Variants in TEX2 observed in about 807,000 individuals in gnomAD.
The protein encoded by TEX2 is testis expressed 2.
TEX2 carries 53 observed loss-of-function variants against 106.9 expected under a neutral mutation model. That is an observed-to-expected ratio of 0.50 (90% CI 0.40 to 0.62). The LOEUF (loss-of-function observed/expected upper bound fraction) is 0.62. TEX2 is among the 20% of genes least tolerant of loss of function. The probability of loss-of-function intolerance (pLI) is 0.00; values close to 1 mark genes in which losing one functional copy is unlikely to be tolerated. For missense variants in TEX2, 1,207 were observed against 1,379.0 expected, an observed-to-expected ratio of 0.88 and a Z score of 1.98; for synonymous variants, 523 against 534.8, an observed-to-expected ratio of 0.98 and a Z score of 0.30.
chr17:64,245,772 C>T (rs1305624070), intron 1 of TEX2, among the ~76,000 whole-genome samples: 1 of 121,694 alleles, frequency 8.2e-6, no homozygotes, highest in East Asian at 2.5e-4. Context: ...TACGAACCAA[C>T]TGGACAAGAC....
chr17:64,191,150 A>G (rs1005390545), intron 4 of TEX2, among the ~76,000 whole-genome samples: 3 of 152,248 alleles, frequency 2.0e-5, no homozygotes, highest in South Asian at 2.1e-4. Context: ...AGACTTACAG[A>G]TGTACGAAGA....
chr17:64,237,966 G>A (rs564320028), intron 1 of TEX2, among the ~76,000 whole-genome samples: 1 of 152,258 alleles, frequency 6.6e-6, no homozygotes, highest in Admixed American at 6.5e-5. Flanking sequence ...ACTGTTAAAA[G>A]TCACGAACTT....
chr17:64,213,977 CTTGGGG>C lies in TEX2; in HGVS notation c.235_240del (p.Pro79_Gln80del), dbSNP rs782170781. 1.9e-6 allele frequency: 3 copies of C among 1,614,216 alleles called. No individual in the cohort carries two copies. The highest frequency in any genetic ancestry group is 2.5e-6 in the Non-Finnish European group (3 of 1,180,046). On this transcript the variant is annotated inframe_deletion, in exon 2 of 12. Coordinates refer to ENST00000584379, the MANE Select transcript of TEX2 (RefSeq NM_001288732.2). The surrounding 1 kb of genome is among the most constrained non-coding windows in gnomAD (Gnocchi z 4.4). ...GCAGGGCCGGCGGGGTCATGGCCAA[CTTGGGG>C]TTCAAGATAGAGGTCTTCCTTGGCT... is the stretch of plus-strand genomic sequence containing the variant.
chr17:64,259,335 C>A (rs906428411), intron 1 of TEX2, among the ~76,000 whole-genome samples: 2 of 152,158 alleles, frequency 1.3e-5, no homozygotes, highest in African/African-American at 2.4e-5. Context: ...TGTAATTACG[C>A]ATTATAAAGA....
At chr17:64,245,643 C>T (rs1019647906) in intron 1 of TEX2, among the ~76,000 whole-genome samples, 6 of 152,130 alleles carry the variant, frequency 3.9e-5, no homozygotes, top group Admixed American at 6.5e-5. Flanking sequence ...TTATTCTCCA[C>T]GTTTGTTTTC....
At chr17:64,210,978 T>C (rs1375764898) in intron 2 of TEX2, among the ~76,000 whole-genome samples, 1 of 151,984 alleles carries the variant, frequency 6.6e-6, no homozygotes, top group Non-Finnish European at 1.5e-5. Flanking sequence ...ATTATTATTT[T>C]TGAGACAGAG....
intron 2 of TEX2, among the ~76,000 whole-genome samples, chr17:64,196,790 G>A (rs1424615617): frequency 2.0e-5 from 3 of 151,926 alleles, no homozygotes; most frequent in East Asian, 3.9e-4. Flanking sequence ...TTCAAATGTT[G>A]AACCAGTCTT....
chr17:64,199,225 T>C (rs1450305484), intron 2 of TEX2, among the ~76,000 whole-genome samples: 1 of 152,046 alleles, frequency 6.6e-6, no homozygotes, highest in Non-Finnish European at 1.5e-5. Flanking sequence ...ATCATGAAAA[T>C]ATGTAATTTT....
intron 2 of TEX2, among the ~76,000 whole-genome samples, chr17:64,200,765 G>A (rs1449682223): frequency 1.3e-5 from 2 of 152,168 alleles, no homozygotes; most frequent in Non-Finnish European, 2.9e-5. Context: ...AGAGAATCTA[G>A]GAGATGCTTT....
chr17:64,182,512 A>G (rs1014422582), intron 5 of TEX2, among the ~76,000 whole-genome samples: 3 of 152,216 alleles, frequency 2.0e-5, no homozygotes, highest in East Asian at 1.9e-4. Context: ...AGTACATTCA[A>G]TAGTTTTCAG....
chr17:64,225,114 C>T (rs1033682962), intron 1 of TEX2, among the ~76,000 whole-genome samples: 2 of 150,330 alleles, frequency 1.3e-5, no homozygotes, highest in African/African-American at 4.9e-5. Flanking sequence ...TTTTTTAAAG[C>T]AGAAAAGTCA....
intron 4 of TEX2, among the ~76,000 whole-genome samples, chr17:64,193,283 T>A (rs942120102): frequency 7.2e-5 from 11 of 152,208 alleles, no homozygotes; most frequent in African/African-American, 2.7e-4. Context: ...GCTGCTTCTC[T>A]CAGGGGAGTC....
chr17:64,235,829 T>C (rs2033754651), intron 1 of TEX2, among the ~76,000 whole-genome samples: 1 of 152,156 alleles, frequency 6.6e-6, no homozygotes, highest in Non-Finnish European at 1.5e-5. Context: ...ACATCCCTTT[T>C]TGAGTGCTAT....
intron 2 of TEX2, among the ~76,000 whole-genome samples, chr17:64,200,657 G>A (rs567343048): frequency 1.6e-4 from 25 of 152,314 alleles, no homozygotes; most frequent in African/African-American, 6.0e-4. Flanking sequence ...AGAGAGAAGG[G>A]AGTTTCAAGT....
chr17:64,191,055 A>AT (rs1262560770), intron 4 of TEX2, among the ~76,000 whole-genome samples: 1 of 152,178 alleles, frequency 6.6e-6, no homozygotes, highest in African/African-American at 2.4e-5. Context: ...GTGCTCACCA[A>AT]TTTACCTTGC....
chr17:64,246,572 G>A (rs905789158), intron 1 of TEX2, among the ~76,000 whole-genome samples: 6 of 152,010 alleles, frequency 3.9e-5, no homozygotes, highest in Admixed American at 2.0e-4. Flanking sequence ...ATATTGGGCT[G>A]CCCCCTAGAA....
At chr17:64,224,158 C>G (rs1322740922) in intron 1 of TEX2, among the ~76,000 whole-genome samples, 1 of 152,216 alleles carries the variant, frequency 6.6e-6, no homozygotes, top group Non-Finnish European at 1.5e-5. Context: ...AATCCAAAAG[C>G]TCCTGGCAGA....
At position 64,185,703 on chromosome 17, in the gene TEX2, A is replaced by C. The variant is rs556505631; in HGVS notation, c.2424+2465T>G. 6.6e-6 allele frequency among the ~76,000 whole-genome samples: 1 copy of C among 152,280 alleles called. No individual in the cohort carries two copies. Among genetic ancestry groups the C allele is most frequent in the East Asian group, 1.9e-4 (1 of 5,184 alleles). On this transcript the variant is annotated intron_variant, in intron 5 of 11. Coordinates refer to ENST00000584379, the MANE Select transcript of TEX2 (RefSeq NM_001288732.2). The surrounding 1 kb of genome is among the most constrained non-coding windows in gnomAD (Gnocchi z 4.0). ...TTTGGGAGGCCGAGGAGAGTGGATC[A>C]CCAGAGGTCAGGAGTTCAAGACCAG... is the stretch of plus-strand genomic sequence containing the variant.
At chr17:64,199,542 T>C (rs782135981) in intron 2 of TEX2, among the ~76,000 whole-genome samples, 1 of 152,148 alleles carries the variant, frequency 6.6e-6, no homozygotes, top group African/African-American at 2.4e-5. Flanking sequence ...TTGCTGAAAA[T>C]GTGTAATTTT....
Sources: gnomAD v4.1 joint callset for allele counts (sites outside exome capture counted in the v4.1 genomes callset) on GRCh38, gnomAD v4.1.1 for gene constraint, Gnocchi (gnomAD v3.1) non-coding constraint, MANE v1.5 for transcripts, NCBI Gene and HGNC (gene_info 2026-07-23, HGNC 2026-07-21) for gene names.